Variants in STX18 observed in about 807,000 individuals in gnomAD.
The protein encoded by STX18 is syntaxin-18.
In STX18, 40 loss-of-function variants were observed where a neutral mutation model predicts 50.1. The ratio of observed to expected loss-of-function variants is 0.80; its 90% CI spans 0.62 to 1.04. STX18 has a LOEUF of 1.04. Among genes scored for constraint, STX18 ranks in the 50% least tolerant of loss-of-function variants. The pLI, the probability that STX18 is intolerant of heterozygous loss-of-function variation, is 0.00. For synonymous variants in STX18, 158 were observed against 151.8 expected, an observed-to-expected ratio of 1.04 and a Z score of -0.30; for missense variants, 410 against 415.8, an observed-to-expected ratio of 0.99 and a Z score of 0.12.
chr4:4,535,902 T>C (rs1331206316), intron 1 of STX18, among the ~76,000 whole-genome samples: 1 of 152,190 alleles, frequency 6.6e-6, no homozygotes, highest in East Asian at 1.9e-4. Flanking sequence ...AAATTTATAA[T>C]CCAGGTGGTC....
At chr4:4,489,181 T>C (rs1728826417) in intron 1 of STX18, among the ~76,000 whole-genome samples, 1 of 152,100 alleles carries the variant, frequency 6.6e-6, no homozygotes, top group Admixed American at 6.5e-5. Context: ...ACTAAGTGAA[T>C]GGGAATAAAA....
At chr4:4,489,997 T>C (rs6811336) in intron 1 of STX18, among the ~76,000 whole-genome samples, 10,676 of 152,212 alleles carry the variant, frequency 0.07, 1,224 homozygotes, top group African/African-American at 0.24. Context: ...TTTCAGACAA[T>C]TAATTAGGTA....
intron 1 of STX18, among the ~76,000 whole-genome samples, chr4:4,531,175 A>ACACACC (rs928961261): frequency 5.9e-5 from 9 of 151,806 alleles, no homozygotes; most frequent in African/African-American, 1.9e-4. Flanking sequence ...ACACACACAC[A>ACACACC]CCCTGGACTA....
chr4:4,435,769 A>G lies in STX18; in HGVS notation c.614-911T>C, dbSNP rs553126581. Among the ~76,000 whole-genome samples the G allele has an allele frequency of 4.6e-5, 7 of 152,318 alleles. No homozygotes were observed. In the South Asian group the frequency reaches 1.0e-3, roughly 23 times the overall value. ...TGAAAGGGAGCGTAGGAACATTTTAATCTGGAGAACTTTTTCATTATGATC... is the reference window on the plus strand; with the variant it reads ...TGAAAGGGAGCGTAGGAACATTTTAGTCTGGAGAACTTTTTCATTATGATC... On this transcript the variant is annotated intron_variant, in intron 6 of 10. Coordinates refer to ENST00000306200, the MANE Select transcript of STX18 (RefSeq NM_016930.4).
At chr4:4,501,938 G>A (rs929461455) in intron 1 of STX18, among the ~76,000 whole-genome samples, 4 of 152,142 alleles carry the variant, frequency 2.6e-5, no homozygotes, top group Non-Finnish European at 5.9e-5. Flanking sequence ...AGGTTTCCTG[G>A]AGAAGTATAG....
chr4:4,444,838 C>A (rs1475804030), intron 5 of STX18, among the ~76,000 whole-genome samples: 11 of 149,772 alleles, frequency 7.3e-5, no homozygotes, highest in African/African-American at 2.8e-4. Flanking sequence ...AACAAATAAA[C>A]AAACATGGGT....
intron 1 of STX18, among the ~76,000 whole-genome samples, chr4:4,526,988 T>A (rs1482708672): frequency 9.2e-5 from 14 of 152,160 alleles, no homozygotes; most frequent in Admixed American, 9.2e-4. Context: ...CCTTGATAGC[T>A]CTTCTTTTTC....
At chr4:4,447,432 A>C (rs186854280) in intron 5 of STX18, among the ~76,000 whole-genome samples, 349 of 151,732 alleles carry the variant, frequency 2.3e-3, no homozygotes, top group African/African-American at 7.7e-3. Context: ...TACTAAAAAA[A>C]TACAAAAAAT....
intron 1 of STX18, among the ~76,000 whole-genome samples, chr4:4,522,924 A>G (rs1730579115): frequency 6.6e-6 from 1 of 152,266 alleles, no homozygotes; most frequent in Admixed American, 6.5e-5. Context: ...ATGTGAGTGC[A>G]GAGAGACAGA....
intron 1 of STX18, among the ~76,000 whole-genome samples, chr4:4,473,861 G>A (rs1728047534): frequency 6.6e-6 from 1 of 152,142 alleles, no homozygotes; most frequent in Non-Finnish European, 1.5e-5. Context: ...AAAATACACT[G>A]CAGTTAAAGG....
intron 1 of STX18, among the ~76,000 whole-genome samples, chr4:4,503,689 A>G (rs1729565163): frequency 2.0e-5 from 3 of 152,136 alleles, no homozygotes; most frequent in Non-Finnish European, 2.9e-5. Context: ...ATTTCCAAGC[A>G]TAAACCGGGA....
chr4:4,527,867 C>CACACACATATAT (rs372566368), intron 1 of STX18, among the ~76,000 whole-genome samples: 3 of 137,208 alleles, frequency 2.2e-5, no homozygotes, highest in African/African-American at 7.9e-5. Flanking sequence ...CACACACACA[C>CACACACATATAT]ATATATATAT....
At chr4:4,511,992 C>T (rs1304024030) in intron 1 of STX18, among the ~76,000 whole-genome samples, 1 of 151,928 alleles carries the variant, frequency 6.6e-6, no homozygotes, top group Non-Finnish European at 1.5e-5. Flanking sequence ...TAGCAGCATT[C>T]CTGGCCTCTT....
At chr4:4,444,703 T>C (rs1361353678) in intron 5 of STX18, among the ~76,000 whole-genome samples, 2 of 152,168 alleles carry the variant, frequency 1.3e-5, no homozygotes, top group African/African-American at 2.4e-5. Flanking sequence ...GTTCCATGAG[T>C]TCTTCTAGCA....
At chr4:4,437,385 A>T (rs1042080067) in intron 6 of STX18, among the ~76,000 whole-genome samples, 14 of 152,234 alleles carry the variant, frequency 9.2e-5, no homozygotes, top group Admixed American at 6.5e-4. Context: ...CCCTGAGGGC[A>T]GGAATCACAT....
chr4:4,511,680 AATAC>A (rs1352775857), intron 1 of STX18, among the ~76,000 whole-genome samples: 4 of 150,946 alleles, frequency 2.6e-5, no homozygotes, highest in Non-Finnish European at 4.4e-5. Flanking sequence ...TGGGACTGAA[AATAC>A]ATACAATCAC....
intron 3 of STX18, 45 bp from the exon 4 acceptor site, chr4:4,457,545 C>T: frequency 7.0e-7 from 1 of 1,436,200 alleles, no homozygotes; most frequent in Non-Finnish European, 9.7e-7. Context: ...ACTCAATTAT[C>T]CTAAAGAGCA....
At chr4:4,534,275 G>T (rs1343718807) in intron 1 of STX18, among the ~76,000 whole-genome samples, 3 of 152,166 alleles carry the variant, frequency 2.0e-5, no homozygotes, top group African/African-American at 4.8e-5. Flanking sequence ...GTGTCCATGG[G>T]CTCCTTGGAT....
At chr4:4,490,141 A>G (rs1005399139) in intron 1 of STX18, among the ~76,000 whole-genome samples, 1 of 152,200 alleles carries the variant, frequency 6.6e-6, no homozygotes, top group African/African-American at 2.4e-5. Context: ...ATACATATAC[A>G]CTTTTAAGAG....
Sources: allele counts gnomAD v4.1 joint callset (sites outside exome capture counted in the v4.1 genomes callset), GRCh38; gene constraint gnomAD v4.1.1; transcripts MANE v1.5; gene names NCBI Gene and HGNC (gene_info 2026-07-23, HGNC 2026-07-21).